REG3A: variants seen among roughly 807,000 people sequenced by gnomAD.
REG3A encodes regenerating family member 3 alpha, also known as regenerating islet-derived protein 3-alpha.
In REG3A, 15 loss-of-function variants were observed where a neutral mutation model predicts 20.5. That is an observed-to-expected ratio of 0.73 (90% confidence interval 0.49 to 1.12). The LOEUF is 1.12. Ranked by LOEUF, REG3A falls within the 50% of genes most tolerant of loss-of-function variation. The pLI is 0.00. For synonymous variants in REG3A, 93 were observed against 83.2 expected (o/e 1.12, Z -0.64); for missense variants, 224 against 213.1 (o/e 1.05, Z -0.32).
At chr2:79,158,186 C>T (rs1377198964) in intron 4 of REG3A, 140 bp downstream of exon 4, 2 of 1,001,984 alleles carry the variant, frequency 2.0e-6, no homozygotes, top group Non-Finnish European at 2.9e-6. Flanking sequence ...CATGGCCTTC[C>T]CTTTCCCCCC....
At position 79,157,692 on chromosome 2, in the gene REG3A, C is replaced by T. The variant is rs372756064; in HGVS notation, c.340G>A (p.Glu114Lys). The change falls in exon 5 of 6, where the codon GAG becomes AAG. Residue 114 changes from glutamate (E) to lysine (K), a missense_variant. Physicochemically the swap from Glu to Lys is moderately conservative, Grantham distance 56. Transcript: ENST00000305165. ...CACTCCCAACCTTCTCCATTGGGCT[C>T]GGTGCCCTGTAGAGTAGAGGAGGTA... is the stretch of plus-strand genomic sequence containing the variant. ...IGLHDPTQGT[E>K]PNGEGWEWSS... 14 of 1,613,804 alleles carry T rather than the reference C, an allele frequency of 8.7e-6. No individual in the cohort carries two copies. The highest frequency in any genetic ancestry group is 1.1e-5 in the South Asian group (1 of 91,040).
Position 79,158,483 on chromosome 2 carries a change from A to G in REG3A, c.196-20T>C. Reference sequence around the variant, plus strand: ...GGCCAGCTTTGAGGGCAACAAAGAGAATGAGAGGGAGCCTGAGACCTGCTG... The same window carrying G: ...GGCCAGCTTTGAGGGCAACAAAGAGGATGAGAGGGAGCCTGAGACCTGCTG... On this transcript the variant is annotated intron_variant, in intron 3 of 5. Coordinates refer to ENST00000305165, the MANE Select transcript of REG3A (RefSeq NM_002580.3). The G allele has an allele frequency of 6.2e-7, 1 of 1,613,632 alleles. No individual in the cohort carries two copies. The highest frequency in any genetic ancestry group is 8.5e-7 in the Non-Finnish European group (1 of 1,179,732).
chr2:79,157,445 G>A lies in REG3A; in HGVS notation c.460+127C>T. On this transcript the variant is annotated intron_variant, in intron 5 of 5. Transcript: ENST00000305165. ...AGAGAGATTCAAAGAAAGTGGAGAA[G>A]AGAGGAGATAAGAGAAGACACACTA... 2.7e-6 allele frequency: 4 copies of A among 1,466,660 alleles called. No homozygotes were observed. In the South Asian group the frequency reaches 3.7e-5, roughly 14 times the overall value. 90.9% of individuals were successfully genotyped at this position (1,466,660 alleles called of 1,614,324 possible).
Position 79,157,244 on chromosome 2 carries a change from G to A in REG3A, c.510C>T (p.Val170=). Reference sequence around the variant, plus strand: ...TCCTGCACTAGTCAGTGAACTTGCAGACATAGGGTAACCTCACATTACAGT... The same window carrying A: ...TCCTGCACTAGTCAGTGAACTTGCAAACATAGGGTAACCTCACATTACAGT... ...DYNCNVRLPY[V]CKFTD Residue 170 remains valine (V), a synonymous_variant, in exon 6 of 6, where the codon GTC becomes GTT. Coordinates refer to ENST00000305165, the MANE Select transcript of REG3A (RefSeq NM_002580.3). The A allele has an allele frequency of 6.2e-7, 1 of 1,613,998 alleles. No individual in the cohort carries two copies. Among genetic ancestry groups the A allele is most frequent in the Non-Finnish European group, 8.5e-7 (1 of 1,179,876 alleles).
At position 79,158,768 on chromosome 2, in the gene REG3A, A is replaced by T. The variant is rs924182506; in HGVS notation, c.78T>A (p.Gly26=). The change falls in exon 3 of 6, where the codon GGT becomes GGA. Residue 26 remains glycine (G), a splice_region_variant and synonymous_variant. Coordinates refer to ENST00000305165, the MANE Select transcript of REG3A (RefSeq NM_002580.3). ...SCLMLLSQVQ[G]EEPQRELPSA... ...AGGGCAGTTCCCTCTGGGGTTCTTCACCTGAGGTGGAAGAAGAGGGGGGAG... is the reference window on the plus strand; with the variant it reads ...AGGGCAGTTCCCTCTGGGGTTCTTCTCCTGAGGTGGAAGAAGAGGGGGGAG... 1 of 1,610,388 alleles carries T rather than the reference A, an allele frequency of 6.2e-7. No individual in the cohort carries two copies. The highest frequency in any genetic ancestry group is 8.5e-7 in the Non-Finnish European group (1 of 1,177,362).
intron 2 of REG3A, 87 bp downstream of exon 2, chr2:79,159,243 A>C (rs1673390332): frequency 1.4e-6 from 2 of 1,379,608 alleles, no homozygotes; most frequent in Admixed American, 3.4e-5. Flanking sequence ...CCACGTCATT[A>C]CCTCACATGA....
chr2:79,159,110 G>A, intron 2 of REG3A: 1 of 596,822 alleles, frequency 1.7e-6, no homozygotes, highest in Non-Finnish European at 3.0e-6. Context: ...GTATATTAGA[G>A]TCCACTGACT....
At chr2:79,158,490 G>A (rs762241190) in intron 3 of REG3A, 27 bp from the exon 4 acceptor site, 3 of 1,604,278 alleles carry the variant, frequency 1.9e-6, no homozygotes, top group Non-Finnish European at 2.6e-6. Flanking sequence ...GAGAATGAGA[G>A]GGAGCCTGAG....
At position 79,159,253 on chromosome 2, in the gene REG3A, A is replaced by T. The variant is rs1437369517; in HGVS notation, c.76+77T>A. On this transcript the variant is annotated intron_variant, in intron 2 of 5. Transcript: ENST00000305165. ...AGACACCACGTCATTACCTCACATG[A>T]CACACAGGAGCCTTCCTCCTCTTGT... is the stretch of plus-strand genomic sequence containing the variant. 1.4e-5 allele frequency: 20 copies of T among 1,469,620 alleles called. No homozygotes were observed. The Admixed American group carries it at 3.2e-4, about 23-fold the overall frequency. The allele number at this position is 1,469,620 out of a possible 1,614,324, so 91.0% of individuals were successfully genotyped here.
Position 79,157,285 on chromosome 2 carries a change from TCA to T in REG3A, c.467_468del (p.Leu156GlnfsTer6). 6.2e-7 allele frequency: 1 copy of T among 1,613,556 alleles called. No individual in the cohort carries two copies. The highest frequency in any genetic ancestry group is 8.5e-7 in the Non-Finnish European group (1 of 1,179,598). On this transcript the variant is annotated frameshift_variant, in exon 6 of 6. Coordinates refer to ENST00000305165, the MANE Select transcript of REG3A (RefSeq NM_002580.3). LOFTEE classifies it low-confidence loss of function (END_TRUNC). ...ACATTACAGTTATAATCTTTCCACC[TCA>T]GAAATGCTGGAGAGACAGAAGACAT... The part of the protein sequence containing the change: ...CASLSRSTAF[L>X]RWKDYNCNVR...
chr2:79,159,106 T>C, intron 2 of REG3A: 1 of 595,062 alleles, frequency 1.7e-6, no homozygotes, highest in South Asian at 2.0e-5. Context: ...CAGTGTATAT[T>C]AGAGTCCACT....
intron 4 of REG3A, 75 bp downstream of exon 4, chr2:79,158,251 C>A (rs996802951): frequency 4.6e-6 from 7 of 1,531,138 alleles, no homozygotes; most frequent in Non-Finnish European, 6.2e-6. Context: ...CCTGGGCAGG[C>A]ACAGGGGACA....
chr2:79,159,543 T>C (rs1673401070), intron 1 of REG3A, 104 bp from the exon 2 acceptor site: 3 of 796,358 alleles, frequency 3.8e-6, no homozygotes, highest in Non-Finnish European at 6.2e-6. Context: ...GTCACATCCA[T>C]CATCTTCTAC....
At chr2:79,158,232 G>A (rs566064093) in intron 4 of REG3A, 94 bp downstream of exon 4, 4 of 1,436,884 alleles carry the variant, frequency 2.8e-6, no homozygotes, top group Non-Finnish European at 3.8e-6. Flanking sequence ...AGTGCTCCCT[G>A]AAGTACTTCC....
intron 1 of REG3A, 80 bp downstream of exon 1, chr2:79,159,648 A>G: frequency 1.9e-6 from 1 of 517,052 alleles, no homozygotes. Context: ...CTCCCTGAGG[A>G]AGGGACCCTC....
At position 79,157,078 on chromosome 2, in the gene REG3A, G is replaced by T; in HGVS notation, c.*148C>A. On this transcript the variant is annotated 3_prime_UTR_variant, in exon 6 of 6. Transcript: ENST00000305165. ...AAAATGAAGAGACTGAAATGACAGC[G>T]GGGAGGAAGAAACAGAAGAAAGATA... The T allele has an allele frequency of 3.0e-6, 2 of 671,134 alleles. No homozygotes were observed. The highest frequency in any genetic ancestry group is 2.6e-5 in the East Asian group (1 of 39,004). 41.6% of individuals were successfully genotyped at this position (671,134 alleles called of 1,614,324 possible). A position where few individuals can be genotyped will look rare whatever the true frequency, so the allele number is the denominator to read the frequency against.
In REG3A at chr2:79,157,072, G is replaced by T; in HGVS notation, c.*154C>A. The T allele has an allele frequency of 4.6e-6, 3 of 654,956 alleles. No individual in the cohort carries two copies. In the South Asian group the frequency reaches 5.6e-5, roughly 12 times the overall value. The allele number at this position is 654,956 out of a possible 1,614,324, so 40.6% of individuals were successfully genotyped here. A position where few individuals can be genotyped will look rare whatever the true frequency, so the allele number is the denominator to read the frequency against. On this transcript the variant is annotated 3_prime_UTR_variant, in exon 6 of 6. Coordinates refer to ENST00000305165, the MANE Select transcript of REG3A (RefSeq NM_002580.3). ...TATGACAAAATGAAGAGACTGAAAT[G>T]ACAGCGGGGAGGAAGAAACAGAAGA... is the stretch of plus-strand genomic sequence containing the variant.
chr2:79,157,135 C>T lies in REG3A; in HGVS notation c.*91G>A, dbSNP rs185761973. The T allele has an allele frequency of 2.4e-4, 233 of 990,224 alleles. No individual in the cohort carries two copies. In the African/African-American group the frequency reaches 2.8e-3, roughly 12 times the overall value. 61.3% of individuals were successfully genotyped at this position (990,224 alleles called of 1,614,324 possible). The stretch of plus-strand genomic sequence containing the variant: ...AGGTGGTCAGGTTGGGGGAATTAAG[C>T]GAATATTCTCTTCCAGGGTGAGTCC... On this transcript the variant is annotated 3_prime_UTR_variant, in exon 6 of 6. Transcript: ENST00000305165.
At position 79,157,669 on chromosome 2, in the gene REG3A, C is replaced by T; in HGVS notation, c.363G>A (p.Glu121=). 3 of 1,614,122 alleles carry T rather than the reference C, an allele frequency of 1.9e-6. No homozygotes were observed. Among genetic ancestry groups the T allele is most frequent in the Non-Finnish European group, 2.5e-6 (3 of 1,179,986 alleles). ...QGTEPNGEGW[E]WSSSDVMNYF... ...AATTCATCACATCACTGCTACTCCACTCCCAACCTTCTCCATTGGGCTCGG... is the reference window on the plus strand; with the variant it reads ...AATTCATCACATCACTGCTACTCCATTCCCAACCTTCTCCATTGGGCTCGG... Residue 121 remains glutamate, a synonymous_variant, in exon 5 of 6, where the codon GAG becomes GAA. Coordinates refer to ENST00000305165, the MANE Select transcript of REG3A (RefSeq NM_002580.3).
Sources: allele counts gnomAD v4.1 joint callset, GRCh38; gene constraint gnomAD v4.1.1; transcripts MANE v1.5; gene names NCBI Gene and HGNC (gene_info 2026-07-23, HGNC 2026-07-21).